The following NCBP3 variants were observed in gnomAD, a reference collection of about 807,000 sequenced individuals.
The protein encoded by NCBP3 is nuclear cap-binding protein subunit 3.
A neutral mutation model predicts 75.7 loss-of-function variants in NCBP3; 20 were observed. That is an observed-to-expected ratio of 0.26 (90% CI 0.19 to 0.38). The LOEUF is 0.38. Among genes scored for constraint, NCBP3 ranks in the 10% least tolerant of loss-of-function variants. The pLI is 1.00. For synonymous variants in NCBP3, 293 were observed against 290.5 expected (o/e 1.01, Z -0.09); for missense variants, 678 against 796.9 (o/e 0.85, Z 1.80).
At chr17:3,844,531 G>C (rs866098389) in intron 1 of NCBP3, among the ~76,000 whole-genome samples, 1 of 152,180 alleles carries the variant, frequency 6.6e-6, no homozygotes. Flanking sequence ...CTAGGGCTGT[G>C]CCTTGGTACA....
At chr17:3,845,954 G>A (rs1196557989) in intron 1 of NCBP3, 87 bp downstream of exon 1, 8 of 1,418,636 alleles carry the variant, frequency 5.6e-6, no homozygotes, top group Non-Finnish European at 7.6e-6. Flanking sequence ...CCCCGGCTGG[G>A]GCTCCGGCCA....
intron 10 of NCBP3, among the ~76,000 whole-genome samples, chr17:3,817,710 T>A (rs1246253175): frequency 2.0e-5 from 3 of 152,162 alleles, no homozygotes; most frequent in Admixed American, 6.5e-5. Flanking sequence ...ACATATTGTT[T>A]TGTGTAATAA....
chr17:3,832,492 G>A lies in NCBP3; in HGVS notation c.356-3124C>T, dbSNP rs1320742409. ...AAAAATACAAAACAATTAGCCAGGTGTGGTGGCAGGCACCTGTAGTCCCAG... is the reference window on the plus strand; with the variant it reads ...AAAAATACAAAACAATTAGCCAGGTATGGTGGCAGGCACCTGTAGTCCCAG... On this transcript the variant is annotated intron_variant, in intron 3 of 12. Transcript: ENST00000389005. Among the ~76,000 whole-genome samples, 26 of 119,486 alleles carry A rather than the reference G, an allele frequency of 2.2e-4. 6 individuals carry two copies. Among genetic ancestry groups the A allele is most frequent in the Non-Finnish European group, 3.6e-4 (18 of 49,542 alleles). 78.4% of individuals were successfully genotyped at this position (119,486 alleles called of 152,430 possible).
chr17:3,818,650 C>A lies in NCBP3; in HGVS notation c.1001-78G>T. 6.7e-7 allele frequency: 1 copy of A among 1,484,576 alleles called. No homozygotes were observed. Among genetic ancestry groups the A allele is most frequent in the South Asian group, 1.3e-5 (1 of 75,096 alleles). The allele number at this position is 1,484,576 out of a possible 1,614,324, so 92.0% of individuals were successfully genotyped here. On this transcript the variant is annotated intron_variant, in intron 9 of 12. Coordinates refer to ENST00000389005, the MANE Select transcript of NCBP3 (RefSeq NM_001114118.3). The surrounding 1 kb of genome is among the most constrained non-coding windows in gnomAD (Gnocchi z 4.7). ...TGATTTTCTACTCTACATCGGTGACCTTTTTAAAAGGTGGGGTTCCCATCC... is the reference window on the plus strand; with the variant it reads ...TGATTTTCTACTCTACATCGGTGACATTTTTAAAAGGTGGGGTTCCCATCC...
Position 3,818,487 on chromosome 17 carries a change from G to A in NCBP3, c.1086C>T (p.Asp362=), listed in dbSNP as rs564290828. 8 of 1,613,790 alleles carry A rather than the reference G, an allele frequency of 5.0e-6. No individual in the cohort carries two copies. Among genetic ancestry groups the A allele is most frequent in the Admixed American group, 1.7e-5 (1 of 60,010 alleles). ...EEEEEEEEDQ[D]MDADDRVVVE... Reference sequence around the variant, plus strand: ...CCACCACTCTGTCATCTGCATCCATGTCCTGGTCTTCTTCTTCCTCTTCCT... The same window carrying A: ...CCACCACTCTGTCATCTGCATCCATATCCTGGTCTTCTTCTTCCTCTTCCT... Residue 362 remains aspartate, a synonymous_variant, in exon 10 of 13, where the codon GAC becomes GAT. Transcript: ENST00000389005. This position sits in a 1 kb window ranked among gnomAD's most constrained non-coding sequence, Gnocchi z 4.7.
chr17:3,829,433 C>T (rs2053840775), intron 3 of NCBP3, 65 bp from the exon 4 acceptor site: 3 of 1,516,974 alleles, frequency 2.0e-6, no homozygotes, highest in Admixed American at 4.1e-5. Flanking sequence ...ATCCCATCCA[C>T]ACTCCTTCCT....
At position 3,804,539 on chromosome 17, in the gene NCBP3, T is replaced by G. The variant is rs1238813381; in HGVS notation, c.*8505A>C. 3 of 151,866 alleles carry G rather than the reference T, an allele frequency of 2.0e-5. No individual in the cohort carries two copies. The highest frequency in any genetic ancestry group is 7.3e-5 in the African/African-American group (3 of 41,232). 9.4% of individuals were successfully genotyped at this position (151,866 alleles called of 1,614,324 possible). On this transcript the variant is annotated 3_prime_UTR_variant, in exon 13 of 13. Transcript: ENST00000389005. The stretch of plus-strand genomic sequence containing the variant: ...CCAGCCTGGGCGACAAGAGCAAGAC[T>G]TCATCTCCAAAAAAAACAGAAAGGG...
Position 3,810,332 on chromosome 17 carries a change from A to G in NCBP3, c.*2712T>C, listed in dbSNP as rs984408304. On this transcript the variant is annotated 3_prime_UTR_variant, in exon 13 of 13. Coordinates refer to ENST00000389005, the MANE Select transcript of NCBP3 (RefSeq NM_001114118.3). ...TACAAGGGGGCCAGAGGAGGAGACT[A>G]CATCCTGAGGACGCCACAAATTATC... 3.9e-5 allele frequency: 6 copies of G among 152,248 alleles called. No individual in the cohort carries two copies. Among genetic ancestry groups the G allele is most frequent in the African/African-American group, 1.4e-4 (6 of 41,460 alleles). The allele number at this position is 152,248 out of a possible 1,614,324, so 9.4% of individuals were successfully genotyped here.
chr17:3,822,083 T>C (rs1225052376), intron 7 of NCBP3, 31 bp from the exon 8 acceptor site: 12 of 1,419,712 alleles, frequency 8.5e-6, no homozygotes, highest in Non-Finnish European at 9.9e-6. Context: ...TTACCTAGGA[T>C]TTCCTGTGAG....
intron 1 of NCBP3, among the ~76,000 whole-genome samples, chr17:3,845,788 C>G (rs1013485239): frequency 2.0e-5 from 3 of 152,092 alleles, no homozygotes; most frequent in African/African-American, 7.2e-5. Context: ...GGAGGGGGGT[C>G]CTCAACTCCC....
rs1461235808 is a variant in NCBP3, at chr17:3,829,378, C to G, written c.356-10G>C. On this transcript the variant is annotated splice_polypyrimidine_tract_variant and intron_variant, in intron 3 of 12. Transcript: ENST00000389005. Reference sequence around the variant, plus strand: ...CTCACCTTGGGGATTGCTAGAAAGACAAGACACAGAAAAGATGATAGAATT... The same window carrying G: ...CTCACCTTGGGGATTGCTAGAAAGAGAAGACACAGAAAAGATGATAGAATT... 1 of 1,551,060 alleles carries G rather than the reference C, an allele frequency of 6.4e-7. No homozygotes were observed. The highest frequency in any genetic ancestry group is 1.4e-5 in the African/African-American group (1 of 73,010).
Position 3,806,005 on chromosome 17 carries a change from C to T in NCBP3, c.*7039G>A, listed in dbSNP as rs1296235867. On this transcript the variant is annotated 3_prime_UTR_variant, in exon 13 of 13. Transcript: ENST00000389005. ...AAGATGCTGCCTGCCTCTCACAGGC[C>T]CTGAGGAGAAGATGGCCACATCACA... 1 of 152,300 alleles carries T rather than the reference C, an allele frequency of 6.6e-6. No homozygotes were observed. The highest frequency in any genetic ancestry group is 1.5e-5 in the Non-Finnish European group (1 of 68,124). The allele number at this position is 152,300 out of a possible 1,614,324, so 9.4% of individuals were successfully genotyped here. A position where few individuals can be genotyped will look rare whatever the true frequency, so the allele number is the denominator to read the frequency against.
chr17:3,816,691 C>T (rs531379864), intron 10 of NCBP3, among the ~76,000 whole-genome samples: 2 of 152,350 alleles, frequency 1.3e-5, no homozygotes, highest in South Asian at 4.1e-4. Context: ...TGCTATCATG[C>T]TAGGTGCCAG....
chr17:3,827,049 G>A (rs933142197), intron 4 of NCBP3, among the ~76,000 whole-genome samples: 75 of 143,530 alleles, frequency 5.2e-4, no homozygotes, highest in African/African-American at 1.8e-3. Context: ...GGAACGGAAC[G>A]GAAAGGAAAA....
At position 3,809,543 on chromosome 17, in the gene NCBP3, T is replaced by TA. The variant is rs2053377108; in HGVS notation, c.*3500dup. The TA allele has an allele frequency of 6.6e-6, 1 of 152,032 alleles. No homozygotes were observed. The highest frequency in any genetic ancestry group is 2.1e-4 in the South Asian group (1 of 4,818). The allele number at this position is 152,032 out of a possible 1,614,324, so 9.4% of individuals were successfully genotyped here. A position where few individuals can be genotyped will look rare whatever the true frequency, so the allele number is the denominator to read the frequency against. On this transcript the variant is annotated 3_prime_UTR_variant, in exon 13 of 13. Transcript: ENST00000389005. The stretch of plus-strand genomic sequence containing the variant: ...CAACATGGTGAAACCCTGTCTCTAC[T>TA]AAAAATACAAAAAATTAGCCAGCGT...
At chr17:3,830,647 G>A (rs1235553010) in intron 3 of NCBP3, among the ~76,000 whole-genome samples, 1 of 152,218 alleles carries the variant, frequency 6.6e-6, no homozygotes, top group Non-Finnish European at 1.5e-5. Context: ...GAGTGCAGTG[G>A]CACGATCTCG....
chr17:3,818,423 G>A lies in NCBP3; in HGVS notation c.1150C>T (p.Arg384Trp), dbSNP rs371676057. 50 of 1,613,856 alleles carry A rather than the reference G, an allele frequency of 3.1e-5. No individual in the cohort carries two copies. The highest frequency in any genetic ancestry group is 1.6e-4 in the Middle Eastern group (1 of 6,084). Residue 384 changes from arginine (R) to tryptophan (W), a missense_variant, in exon 10 of 13, where the codon CGG (arginine) becomes TGG (tryptophan). Arg to Trp is a moderately radical substitution (Grantham distance 101). Around this residue, in one of 7 missense-constraint regions of NCBP3, gnomAD observed 365 missense variants for 392.7 expected, o/e 0.93. Transcript: ENST00000389005. This position sits in a 1 kb window ranked among gnomAD's most constrained non-coding sequence, Gnocchi z 4.7. ...HEELPALKQPRERSASRRSSA... is the reference protein window; with the variant it reads ...HEELPALKQPWERSASRRSSA... ...GATCGTCTAGACGCGCTCCGCTCCC[G>A]GGGCTGCTTGAGAGCCGGGAGCTCC... is the stretch of plus-strand genomic sequence containing the variant.
In NCBP3 at chr17:3,813,276, T is replaced by G; in HGVS notation, c.1631A>C (p.Asn544Thr). The change falls in exon 13 of 13, where the codon AAT becomes ACT. Residue 544 changes from asparagine (N) to threonine (T), a missense_variant. Around this residue, in one of 7 missense-constraint regions of NCBP3, gnomAD observed 365 missense variants for 392.7 expected, o/e 0.93. Coordinates refer to ENST00000389005, the MANE Select transcript of NCBP3 (RefSeq NM_001114118.3). ...YADTREKKSG[N>T]LWTRLGSAPK... ...TGCAGATCCTAGGCGAGTCCATAAA[T>G]TACCTGTTTGGATGAGATGGCATTT... 1 of 1,613,886 alleles carries G rather than the reference T, an allele frequency of 6.2e-7. No individual in the cohort carries two copies. Among genetic ancestry groups the G allele is most frequent in the Middle Eastern group, 1.6e-4 (1 of 6,062 alleles).
chr17:3,826,332 A>G, intron 4 of NCBP3, 117 bp from the exon 5 acceptor site: 7 of 997,306 alleles, frequency 7.0e-6, no homozygotes, highest in Non-Finnish European at 8.5e-6. Flanking sequence ...TATCATCAGT[A>G]AATATACAAA....
Sources: allele counts gnomAD v4.1 joint callset (sites outside exome capture counted in the v4.1 genomes callset), GRCh38; gene constraint gnomAD v4.1.1; regional missense constraint gnomAD v4.1.1; non-coding constraint Gnocchi (gnomAD v3.1); transcripts MANE v1.5; gene names NCBI Gene and HGNC (gene_info 2026-07-23, HGNC 2026-07-21).